The following RBFOX2 variants were observed in gnomAD, a reference collection of about 807,000 sequenced individuals.
The protein encoded by RBFOX2 is RNA binding fox-1 homolog 2.
Under a neutral mutation model 49.1 loss-of-function variants are expected in RBFOX2, and 10 were observed. The observed-to-expected ratio is 0.20, with a 90% CI of 0.13 to 0.35. The LOEUF is 0.35. Among genes scored for constraint, RBFOX2 ranks in the 10% least tolerant of loss-of-function variants. RBFOX2 has a pLI of 1.00. For missense variants in RBFOX2, 323 were observed against 486.9 expected (o/e 0.66, Z 3.17); for synonymous variants, 183 against 187.4 (o/e 0.98, Z 0.19).
intron 9 of RBFOX2, chr22:35,746,917 G>A (rs1569213449): frequency 5.3e-6 from 1 of 187,782 alleles, no homozygotes; most frequent in Non-Finnish European, 1.1e-5. Context: ...AGCAAGTTGG[G>A]AGCACTCTGA....
At chr22:35,767,192 G>A (rs1022119359) in intron 5 of RBFOX2, among the ~76,000 whole-genome samples, 3 of 151,966 alleles carry the variant, frequency 2.0e-5, no homozygotes, top group Non-Finnish European at 4.4e-5. Context: ...AAATCCAGGC[G>A]GCATTACTCA....
rs183270917 is a variant in RBFOX2 at position 35,773,514 on chromosome 22, A to T, written c.453+4511T>A. Among the ~76,000 whole-genome samples the T allele has an allele frequency of 6.8e-3, 1,028 of 152,228 alleles. 3 individuals are homozygous for T. The highest frequency in any genetic ancestry group is 0.014 in the Middle Eastern group (4 of 294). ...TCTGATTTGATTATATGAATGTATC[A>T]GATTATCACATATACCCTGAAAATA... is the stretch of plus-strand genomic sequence containing the variant. On this transcript the variant is annotated intron_variant, in intron 4 of 11. Transcript: ENST00000405409.
At chr22:35,834,098 G>T (rs1052660674) in intron 1 of RBFOX2, among the ~76,000 whole-genome samples, 1 of 152,112 alleles carries the variant, frequency 6.6e-6, no homozygotes, top group Non-Finnish European at 1.5e-5. Context: ...AATATTTACT[G>T]AATACCCAAT....
intron 1 of RBFOX2, among the ~76,000 whole-genome samples, chr22:36,026,044 C>A (rs2059420418): frequency 1.3e-5 from 2 of 152,138 alleles, no homozygotes; most frequent in South Asian, 4.1e-4. Flanking sequence ...GTGGGTGAAT[C>A]ACCTGAGGTC....
intron 1 of RBFOX2, among the ~76,000 whole-genome samples, chr22:36,010,621 T>G (rs997613029): frequency 6.6e-6 from 1 of 152,126 alleles, no homozygotes; most frequent in African/African-American, 2.4e-5. Flanking sequence ...AAGGCACATT[T>G]TATTTCATAT....
intron 1 of RBFOX2, among the ~76,000 whole-genome samples, chr22:35,990,197 AC>A (rs1259860724): frequency 6.6e-6 from 1 of 152,142 alleles, no homozygotes; most frequent in Non-Finnish European, 1.5e-5. Flanking sequence ...AAAAACAAAA[AC>A]AAAAAACACA....
At chr22:35,919,791 C>T in intron 1 of RBFOX2, among the ~76,000 whole-genome samples, 1 of 152,208 alleles carries the variant, frequency 6.6e-6, no homozygotes, top group Non-Finnish European at 1.5e-5. Context: ...TTCTAGCCAT[C>T]CCTTGTTTCC....
intron 1 of RBFOX2, among the ~76,000 whole-genome samples, chr22:35,929,518 A>C (rs931506628): frequency 6.6e-6 from 1 of 152,212 alleles, no homozygotes; most frequent in African/African-American, 2.4e-5. Context: ...AGCAAAAAAA[A>C]ATAAAAAATG....
chr22:35,909,564 T>C (rs140237959), intron 1 of RBFOX2, among the ~76,000 whole-genome samples: 186 of 152,328 alleles, frequency 1.2e-3, no homozygotes, highest in African/African-American at 4.1e-3. Flanking sequence ...AATACAAATA[T>C]AGTTTCTACT....
At chr22:36,001,233 A>T (rs1569521481) in intron 1 of RBFOX2, among the ~76,000 whole-genome samples, 1 of 104,184 alleles carries the variant, frequency 9.6e-6, no homozygotes, top group Non-Finnish European at 2.0e-5. Flanking sequence ...ACACACACAC[A>T]CTATATGTAT....
intron 1 of RBFOX2, among the ~76,000 whole-genome samples, chr22:36,010,373 G>C (rs762813422): frequency 1.4e-4 from 21 of 152,094 alleles, no homozygotes; most frequent in Middle Eastern, 6.3e-3. Context: ...ACTTGGGAAA[G>C]GAACACCTTC....
At chr22:36,028,510 A>AGGCG in exon 1 of RBFOX2, 5 of 1,029,936 alleles carry the variant, frequency 4.9e-6, no homozygotes, top group Non-Finnish European at 5.8e-6. Context: ...CTGTCGCGAC[A>AGGCG]GGCGGGCGCG....
exon 12 of RBFOX2, chr22:35,741,598 G>A (rs1433787661): frequency 2.0e-5 from 3 of 152,876 alleles, no homozygotes; most frequent in Admixed American, 6.5e-5. Flanking sequence ...TTCATAAAAA[G>A]CAGAACTCCA....
chr22:36,022,405 T>C (rs1276801023), intron 1 of RBFOX2, among the ~76,000 whole-genome samples: 1 of 152,112 alleles, frequency 6.6e-6, no homozygotes, highest in Non-Finnish European at 1.5e-5. Context: ...AGCTAGAAAA[T>C]GGGAGGGAGT....
intron 1 of RBFOX2, among the ~76,000 whole-genome samples, chr22:35,820,508 G>GA (rs952517335): frequency 6.6e-6 from 1 of 152,190 alleles, no homozygotes; most frequent in Non-Finnish European, 1.5e-5. Context: ...CAAAAAGGGG[G>GA]AAAATCATTC....
At chr22:35,865,947 G>T (rs1387316818) in intron 1 of RBFOX2, among the ~76,000 whole-genome samples, 2 of 152,180 alleles carry the variant, frequency 1.3e-5, no homozygotes, top group Non-Finnish European at 2.9e-5. Context: ...GCAACAACAT[G>T]CCAAATATTG....
rs1937860739 is a variant in RBFOX2 at position 35,759,292 on chromosome 22, C to A, written c.887+596G>T. Among the ~76,000 whole-genome samples the A allele has an allele frequency of 6.6e-6, 1 of 152,214 alleles. No individual in the cohort carries two copies. Among genetic ancestry groups the A allele is most frequent in the Non-Finnish European group, 1.5e-5 (1 of 68,034 alleles). On this transcript the variant is annotated intron_variant, in intron 9 of 11. Transcript: ENST00000405409. The surrounding 1 kb of genome is among the most constrained non-coding windows in gnomAD (Gnocchi z 4.6). ...TTTACCATCATTCAGAAGCCAACTG[C>A]AGTTTAATTCTTCCTACTTCTCCCT...
intron 2 of RBFOX2, among the ~76,000 whole-genome samples, chr22:35,792,547 A>G (rs962944923): frequency 1.3e-5 from 2 of 152,204 alleles, no homozygotes; most frequent in Non-Finnish European, 2.9e-5. Context: ...ATTGAAATGG[A>G]AACATCATAG....
At chr22:35,921,292 C>G (rs1317863637) in intron 1 of RBFOX2, among the ~76,000 whole-genome samples, 1 of 152,222 alleles carries the variant, frequency 6.6e-6, no homozygotes, top group Non-Finnish European at 1.5e-5. Context: ...CACTCCTTTA[C>G]CCTATGACAG....
Sources: gnomAD v4.1 joint callset for allele counts (sites outside exome capture counted in the v4.1 genomes callset) on GRCh38, gnomAD v4.1.1 for gene constraint, Gnocchi (gnomAD v3.1) non-coding constraint, MANE v1.5 for transcripts, NCBI Gene and HGNC (gene_info 2026-07-23, HGNC 2026-07-21) for gene names.